The following ARID4A variants were observed in gnomAD, a reference collection of about 807,000 sequenced individuals.
ARID4A encodes AT-rich interactive domain-containing protein 4A.
ARID4A carries 39 observed loss-of-function variants against 148.6 expected under a neutral mutation model. The observed-to-expected ratio is 0.26, with a 90% CI of 0.20 to 0.34. The LOEUF is 0.34. Among genes scored for constraint, ARID4A ranks in the 10% least tolerant of loss-of-function variants. The pLI, the probability that ARID4A is intolerant of heterozygous loss-of-function variation, is 1.00. For synonymous variants in ARID4A, 475 were observed against 481.2 expected, an observed-to-expected ratio of 0.99 and a Z score of 0.17; for missense variants, 1,265 against 1,449.1, an observed-to-expected ratio of 0.87 and a Z score of 2.06.
rs2032620615 is a variant in ARID4A at position 58,318,473 on chromosome 14, C to G, written c.275-69C>G. 5 of 1,405,200 alleles carry G rather than the reference C, an allele frequency of 3.6e-6. No homozygotes were observed. The South Asian group carries it at 5.9e-5, about 16-fold the overall frequency. 87.0% of individuals were successfully genotyped at this position (1,405,200 alleles called of 1,614,324 possible). A position where few individuals can be genotyped will look rare whatever the true frequency, so the allele number is the denominator to read the frequency against. On this transcript the variant is annotated intron_variant, in intron 5 of 23. Transcript: ENST00000355431. ...AAGCTCTAATTAATAGCAATAATAG[C>G]ATTCTGTGCTTTTAAGTTTTTATTT...
chr14:58,325,540 G>A (rs544425344), intron 8 of ARID4A, among the ~76,000 whole-genome samples: 3 of 152,188 alleles, frequency 2.0e-5, no homozygotes, highest in East Asian at 1.9e-4. Context: ...TTGGCCTTCC[G>A]AGGTGCTGGA....
chr14:58,338,872 A>T (rs1029193171), intron 11 of ARID4A, among the ~76,000 whole-genome samples: 19 of 150,602 alleles, frequency 1.3e-4, no homozygotes, highest in Non-Finnish European at 2.4e-4. Flanking sequence ...GTCCTTTGGT[A>T]TTGAAAAAAA....
chr14:58,311,753 CTT>C, intron 5 of ARID4A, among the ~76,000 whole-genome samples: 1 of 152,194 alleles, frequency 6.6e-6, no homozygotes, highest in African/African-American at 2.4e-5. Flanking sequence ...TACTATTCAA[CTT>C]TTAAAAAGAA....
intron 17 of ARID4A, among the ~76,000 whole-genome samples, chr14:58,354,364 A>G (rs751298163): frequency 3.3e-5 from 5 of 152,110 alleles, no homozygotes; most frequent in Non-Finnish European, 5.9e-5. Flanking sequence ...CTTACATTTG[A>G]TCTTCCGTTA....
chr14:58,299,142 G>GCTCCC (rs1482396188), intron 1 of ARID4A, among the ~76,000 whole-genome samples: 9 of 152,198 alleles, frequency 5.9e-5, no homozygotes, highest in South Asian at 4.1e-4. Context: ...CTGCGGTGCG[G>GCTCCC]CTCCCCTCCC....
intron 3 of ARID4A, among the ~76,000 whole-genome samples, chr14:58,303,912 C>T (rs2031391830): frequency 2.0e-5 from 3 of 152,112 alleles, no homozygotes; most frequent in Admixed American, 2.0e-4. Context: ...AAGTTTGAGA[C>T]CCACCTGGCC....
At chr14:58,349,347 T>C (rs562100743) in intron 15 of ARID4A, among the ~76,000 whole-genome samples, 2 of 152,264 alleles carry the variant, frequency 1.3e-5, no homozygotes, top group Non-Finnish European at 2.9e-5. Flanking sequence ...CCCAGTTTTT[T>C]ACTATTTTAA....
At chr14:58,355,852 CTA>C (rs2034845376) in intron 17 of ARID4A, among the ~76,000 whole-genome samples, 1 of 152,110 alleles carries the variant, frequency 6.6e-6, no homozygotes, top group Admixed American at 6.6e-5. Flanking sequence ...AGAATTTCCC[CTA>C]TCTTTCTTTC....
rs760373631 is a variant in ARID4A, at chr14:58,364,731, T to C, written c.2642T>C (p.Val881Ala). The change falls in exon 20 of 24, where the codon GTA becomes GCA. Residue 881 changes from valine to alanine, a missense_variant. Coordinates refer to ENST00000355431, the MANE Select transcript of ARID4A (RefSeq NM_002892.4). ...AATGGAATGGAAATGACAAATACTG[T>C]ATCTCAAGAAAGGACCAGTGATTGT... Reference protein sequence around the residue: ...IENGMEMTNTVSQERTSDCIG... With the variant: ...IENGMEMTNTASQERTSDCIG... 1 of 1,613,780 alleles carries C rather than the reference T, an allele frequency of 6.2e-7. No individual in the cohort carries two copies. The highest frequency in any genetic ancestry group is 1.3e-5 in the African/African-American group (1 of 74,894).
chr14:58,340,034 T>G lies in ARID4A; in HGVS notation c.907-4661T>G, dbSNP rs1390732170. 2.0e-5 allele frequency among the ~76,000 whole-genome samples: 3 copies of G among 152,166 alleles called. No individual in the cohort carries two copies. The South Asian group carries it at 6.2e-4, about 32-fold the overall frequency. On this transcript the variant is annotated intron_variant, in intron 11 of 23. Transcript: ENST00000355431. Reference sequence around the variant, plus strand: ...TTGGGGATTACAATTCAACATGAGATTTGGATGGGGACACAGAGCCAAACC... The same window carrying G: ...TTGGGGATTACAATTCAACATGAGAGTTGGATGGGGACACAGAGCCAAACC...
intron 5 of ARID4A, among the ~76,000 whole-genome samples, chr14:58,315,545 G>T (rs2032351785): frequency 1.3e-5 from 2 of 152,012 alleles, no homozygotes; most frequent in South Asian, 4.1e-4. Context: ...TGTGTGTCTA[G>T]TATCGTCATC....
intron 11 of ARID4A, among the ~76,000 whole-genome samples, chr14:58,335,770 C>G (rs1010520068): frequency 6.6e-6 from 1 of 152,142 alleles, no homozygotes; most frequent in Non-Finnish European, 1.5e-5. Flanking sequence ...ATAGAAGTCA[C>G]CTTGATTCTT....
chr14:58,351,720 A>C (rs925460943), intron 16 of ARID4A: 2 of 157,804 alleles, frequency 1.3e-5, no homozygotes, highest in Admixed American at 6.4e-5. Flanking sequence ...GCACAGTACT[A>C]GAGATGTTTC....
intron 1 of ARID4A, 91 bp from the exon 2 acceptor site, chr14:58,299,707 C>A: frequency 8.8e-7 from 1 of 1,132,242 alleles, no homozygotes; most frequent in Non-Finnish European, 1.3e-6. Flanking sequence ...GATTCTGCCC[C>A]TCCCCGCTGG....
chr14:58,367,872 A>G (rs2035424463), intron 23 of ARID4A, among the ~76,000 whole-genome samples: 1 of 152,222 alleles, frequency 6.6e-6, no homozygotes, highest in African/African-American at 2.4e-5. Flanking sequence ...GTCCCAGCAG[A>G]TGAGATAATG....
At chr14:58,316,672 C>G (rs1294014584) in intron 5 of ARID4A, among the ~76,000 whole-genome samples, 1 of 152,092 alleles carries the variant, frequency 6.6e-6, no homozygotes, top group Non-Finnish European at 1.5e-5. Flanking sequence ...CCTCTGCCTG[C>G]CGGGTTCAAG....
At chr14:58,324,067 G>A (rs1034346837) in intron 8 of ARID4A, among the ~76,000 whole-genome samples, 3 of 151,642 alleles carry the variant, frequency 2.0e-5, no homozygotes, top group African/African-American at 7.3e-5. Context: ...ACCACGCCTG[G>A]CTAATTTTTT....
At position 58,365,253 on chromosome 14, in the gene ARID4A, C is replaced by T; in HGVS notation, c.3164C>T (p.Ser1055Phe). ...SANGFETNVA[S>F]GTCSIIVQER... ...AATGGATTTGAAACTAATGTTGCCTCTGGTACCTGTAGTATAATTGTACAA... is the reference window on the plus strand; with the variant it reads ...AATGGATTTGAAACTAATGTTGCCTTTGGTACCTGTAGTATAATTGTACAA... Residue 1055 changes from serine (S) to phenylalanine (F), a missense_variant, in exon 20 of 24, where the codon TCT (serine) becomes TTT (phenylalanine). Around this residue, in one of 9 missense-constraint regions of ARID4A, gnomAD observed 666 missense variants for 730.9 expected, o/e 0.91. Transcript: ENST00000355431. 2 of 1,613,956 alleles carry T rather than the reference C, an allele frequency of 1.2e-6. No homozygotes were observed. The highest frequency in any genetic ancestry group is 1.7e-6 in the Non-Finnish European group (2 of 1,179,928).
At chr14:58,347,575 G>A in intron 14 of ARID4A, 72 bp from the exon 15 acceptor site, 4 of 1,202,410 alleles carry the variant, frequency 3.3e-6, no homozygotes, top group South Asian at 1.9e-5. Context: ...TTTTAAAAAT[G>A]TGTTTAATAA....
Sources: gnomAD v4.1 joint callset for allele counts (sites outside exome capture counted in the v4.1 genomes callset) on GRCh38, gnomAD v4.1.1 for gene constraint, gnomAD v4.1.1 regional missense constraint, MANE v1.5 for transcripts, NCBI Gene and HGNC (gene_info 2026-07-23, HGNC 2026-07-21) for gene names.